The following NPAS3 variants were observed in gnomAD, a reference collection of about 807,000 sequenced individuals.
The protein encoded by NPAS3 is neuronal PAS domain protein 3.
In NPAS3, 14 loss-of-function variants were observed where a neutral mutation model predicts 73.1. The observed-to-expected ratio is 0.19, with a 90% CI of 0.13 to 0.30. NPAS3 has a LOEUF of 0.30. Among genes scored for constraint, NPAS3 ranks in the 10% least tolerant of loss-of-function variants. The pLI, the probability that NPAS3 is intolerant of heterozygous loss-of-function variation, is 1.00. For synonymous variants in NPAS3, 620 were observed against 541.5 expected, an observed-to-expected ratio of 1.14 and a Z score of -2.01; for missense variants, 1,096 against 1,250.0, an observed-to-expected ratio of 0.88 and a Z score of 1.86.
intron 4 of NPAS3, among the ~76,000 whole-genome samples, chr14:33,430,110 G>A (rs1210241472): frequency 1.3e-5 from 2 of 152,084 alleles, no homozygotes; most frequent in Non-Finnish European, 2.9e-5. Flanking sequence ...TCAGGAAAAC[G>A]AGGCTTGATG....
rs377168264 is a variant in NPAS3, at chr14:33,688,477, C to T, written c.733+12092C>T. On this transcript the variant is annotated intron_variant, in intron 6 of 11. Coordinates refer to ENST00000356141, the Ensembl canonical transcript of NPAS3. Reference sequence around the variant, plus strand: ...TCTTGTTTCTGCTAGCTGGATGCCACCTTCCCCCACCCATGCCACTCTCTT... The same window carrying T: ...TCTTGTTTCTGCTAGCTGGATGCCATCTTCCCCCACCCATGCCACTCTCTT... Among the ~76,000 whole-genome samples the T allele has an allele frequency of 5.3e-5, 8 of 152,196 alleles. No individual in the cohort carries two copies. In the South Asian group the frequency reaches 1.7e-3, roughly 31 times the overall value.
intron 6 of NPAS3, among the ~76,000 whole-genome samples, chr14:33,684,228 T>TTG (rs1491240845): frequency 3.4e-4 from 4 of 11,840 alleles, no homozygotes; most frequent in African/African-American, 4.5e-4. Context: ...GTGCTGTGGG[T>TTG]TTTTTTTTTT....
intron 2 of NPAS3, among the ~76,000 whole-genome samples, chr14:33,100,870 A>C (rs758372887): frequency 1.3e-5 from 2 of 152,212 alleles, no homozygotes; most frequent in Admixed American, 6.5e-5. Flanking sequence ...AAAGAGAGGA[A>C]ATATGTTATG....
At chr14:32,968,551 A>G (rs988521770) in intron 1 of NPAS3, among the ~76,000 whole-genome samples, 10 of 152,216 alleles carry the variant, frequency 6.6e-5, no homozygotes, top group African/African-American at 2.4e-4. Context: ...ATTATGAATT[A>G]CTTGTTTTCT....
At chr14:32,973,537 T>C (rs1245828787) in intron 1 of NPAS3, among the ~76,000 whole-genome samples, 2 of 150,746 alleles carry the variant, frequency 1.3e-5, no homozygotes, top group African/African-American at 2.4e-5. Context: ...ATTTTGATTT[T>C]TTTTTTTTTT....
chr14:33,350,361 T>C (rs1321368465), intron 3 of NPAS3, among the ~76,000 whole-genome samples: 5 of 152,200 alleles, frequency 3.3e-5, no homozygotes, highest in Non-Finnish European at 7.3e-5. Context: ...TTTTCTGCAT[T>C]CTCCTCTGCC....
intron 2 of NPAS3, among the ~76,000 whole-genome samples, chr14:33,131,773 G>A (rs2043644637): frequency 6.6e-6 from 1 of 152,090 alleles, no homozygotes; most frequent in Non-Finnish European, 1.5e-5. Context: ...CAAAATCTCT[G>A]GCTTAGTTGG....
In NPAS3 at chr14:33,751,098, A is replaced by G. The variant is rs958519187; in HGVS notation, c.852+15766A>G. Among the ~76,000 whole-genome samples, 5 of 152,312 alleles carry G rather than the reference A, an allele frequency of 3.3e-5. No homozygotes were observed. In the East Asian group the frequency reaches 7.7e-4, roughly 24 times the overall value. ...TAAGCTGAGCTGGCATATGTAGACA[A>G]GAGTAGGAACGTTCATGTGGTGTAA... On this transcript the variant is annotated intron_variant, in intron 7 of 11. Transcript: ENST00000356141.
chr14:33,738,942 G>T (rs1215977268), intron 7 of NPAS3, among the ~76,000 whole-genome samples: 1 of 152,144 alleles, frequency 6.6e-6, no homozygotes, highest in Non-Finnish European at 1.5e-5. Context: ...GACTAATTGG[G>T]TCGCCTCCTT....
chr14:33,163,623 G>GTTTTTTTTTTTTTTTTTTTTTTTTTT (rs71448290), intron 2 of NPAS3, among the ~76,000 whole-genome samples: 2 of 110,620 alleles, frequency 1.8e-5, no homozygotes, highest in African/African-American at 3.1e-5. Context: ...GTGTTTTGTT[G>GTTTTTTTTTTTTTTTTTTTTTTTTTT]TTTTTTTTTT....
chr14:33,103,207 A>C (rs1002659220), intron 2 of NPAS3, among the ~76,000 whole-genome samples: 2 of 152,140 alleles, frequency 1.3e-5, no homozygotes, highest in African/African-American at 4.8e-5. Flanking sequence ...CATGACAAAT[A>C]GATGTTCCCA....
chr14:33,441,432 T>C (rs2049243837), intron 4 of NPAS3, among the ~76,000 whole-genome samples: 2 of 152,180 alleles, frequency 1.3e-5, no homozygotes, highest in African/African-American at 2.4e-5. Flanking sequence ...AATTTCAGAT[T>C]ATCCAGTTAA....
At chr14:32,990,954 C>T (rs1372374331) in intron 1 of NPAS3, among the ~76,000 whole-genome samples, 1 of 149,100 alleles carries the variant, frequency 6.7e-6, no homozygotes, top group Non-Finnish European at 1.5e-5. Context: ...AAAAAACAAG[C>T]CACTGATTGG....
At chr14:33,708,058 CAAA>C (rs773540712) in intron 6 of NPAS3, among the ~76,000 whole-genome samples, 1 of 150,400 alleles carries the variant, frequency 6.6e-6, no homozygotes, top group Admixed American at 6.6e-5. Context: ...CGAGCAGCCA[CAAA>C]AAAAAACACA....
chr14:33,266,869 T>C (rs540162378), intron 3 of NPAS3, among the ~76,000 whole-genome samples: 1 of 152,324 alleles, frequency 6.6e-6, no homozygotes, highest in South Asian at 2.1e-4. Context: ...ATTGATCAGC[T>C]TTAGAGATAA....
At chr14:33,148,674 T>C (rs1021329508) in intron 2 of NPAS3, among the ~76,000 whole-genome samples, 39 of 152,304 alleles carry the variant, frequency 2.6e-4, no homozygotes, top group African/African-American at 8.9e-4. Context: ...TTGCATTATA[T>C]TTCTTTTCTT....
chr14:33,559,527 AT>A (rs1227848812), intron 4 of NPAS3, among the ~76,000 whole-genome samples: 1 of 152,232 alleles, frequency 6.6e-6, no homozygotes, highest in Admixed American at 6.5e-5. Flanking sequence ...TCCAAAAAAA[AT>A]AAAGGCAACA....
chr14:33,541,967 A>G (rs1018351147), intron 4 of NPAS3, among the ~76,000 whole-genome samples: 1 of 152,150 alleles, frequency 6.6e-6, no homozygotes, highest in African/African-American at 2.4e-5. Context: ...TCACTGAGGC[A>G]GGTTAGCCTC....
At chr14:33,260,180 T>A (rs2048922168) in intron 3 of NPAS3, among the ~76,000 whole-genome samples, 1 of 152,184 alleles carries the variant, frequency 6.6e-6, no homozygotes, top group Admixed American at 6.5e-5. Context: ...TAACGTTACT[T>A]CTTTGTTATG....
Sources: gnomAD v4.1 joint callset for allele counts (sites outside exome capture counted in the v4.1 genomes callset) on GRCh38, gnomAD v4.1.1 for gene constraint, MANE v1.5 for transcripts, NCBI Gene and HGNC (gene_info 2026-07-23, HGNC 2026-07-21) for gene names.